GRIA3: variants seen among roughly 807,000 people sequenced by gnomAD.
The protein encoded by GRIA3 is glutamate receptor 3.
Under a neutral mutation model 63.0 loss-of-function variants are expected in GRIA3, and 3 were observed. The observed-to-expected ratio is 0.05, with a 90% CI of 0.02 to 0.12. GRIA3 has a LOEUF of 0.12. Ranked by LOEUF, GRIA3 falls within the 10% of genes least tolerant of loss-of-function variation. The probability of loss-of-function intolerance (pLI) is 1.00; values close to 1 mark genes in which losing one functional copy is unlikely to be tolerated. For synonymous variants in GRIA3, 274 were observed against 257.9 expected (o/e 1.06, Z -0.60); for missense variants, 347 against 700.9 (o/e 0.50, Z 5.70).
rs1376630265 is a variant in GRIA3 at position 123,184,332 on chromosome X, G to C, written c.-204G>C. ...AGCGAGCGAATAAGAGAGAGAGTAA[G>C]AGGGAGAGAGAAGAAGAGGAAGAAG... is the stretch of plus-strand genomic sequence containing the variant. On this transcript the variant is annotated 5_prime_UTR_variant, in exon 1 of 16. Transcript: ENST00000620443. 5 of 454,180 alleles carry C rather than the reference G, an allele frequency of 1.1e-5. No homozygotes were observed. The highest frequency in any genetic ancestry group is 1.5e-5 in the Non-Finnish European group (4 of 258,206). The allele number at this position is 454,180 out of a possible 1,213,427, so 37.4% of individuals were successfully genotyped here.
At chrX:123,238,954 T>C (rs1482945681) in intron 2 of GRIA3, among the ~76,000 whole-genome samples, 2 of 110,163 alleles carry the variant, frequency 1.8e-5, no homozygotes, top group African/African-American at 3.3e-5. Flanking sequence ...AACTTGAGAG[T>C]AGAACTCTGT....
chrX:123,369,325 G>A (rs761835896), intron 5 of GRIA3, among the ~76,000 whole-genome samples: 8 of 112,171 alleles, frequency 7.1e-5, no homozygotes, highest in Non-Finnish European at 1.3e-4. Context: ...CTGTCCCATA[G>A]GCAAAACATC....
intron 12 of GRIA3, among the ~76,000 whole-genome samples, chrX:123,433,302 C>T (rs2045628745): frequency 9.0e-6 from 1 of 111,429 alleles, no homozygotes; most frequent in Non-Finnish European, 1.9e-5. Flanking sequence ...TTAATGAAAG[C>T]AATAAGTTCA....
intron 5 of GRIA3, among the ~76,000 whole-genome samples, chrX:123,359,276 T>C (rs889007678): frequency 2.7e-5 from 3 of 112,267 alleles, no homozygotes; most frequent in Non-Finnish European, 5.6e-5. Context: ...AGTAGATATA[T>C]AGATAAAAGA....
intron 12 of GRIA3, among the ~76,000 whole-genome samples, chrX:123,453,034 T>C (rs1322284187): frequency 8.9e-6 from 1 of 112,258 alleles, no homozygotes; most frequent in Non-Finnish European, 1.9e-5. Flanking sequence ...AGCCATCCCA[T>C]TACTGGGTAT....
intron 2 of GRIA3, among the ~76,000 whole-genome samples, chrX:123,198,471 G>A (rs777143421): frequency 3.6e-5 from 4 of 112,189 alleles, no homozygotes; most frequent in Non-Finnish European, 7.5e-5. Context: ...GGTTGGTAAG[G>A]AATAGAATTA....
rs764741642 is a variant in GRIA3, at chrX:123,289,421, A to T, written c.508+35879A>T. On this transcript the variant is annotated intron_variant, in intron 3 of 15. Transcript: ENST00000620443. ...TATCCCAGAACTTAAAGTATAATTT[A>T]AAAAAAATATATATATATATATAAA... Among the ~76,000 whole-genome samples, 16 of 88,206 alleles carry T rather than the reference A, an allele frequency of 1.8e-4. No individual in the cohort carries two copies. In the South Asian group the frequency reaches 3.3e-3, roughly 18 times the overall value. The allele number at this position is 88,206 out of a possible 115,157, so 76.6% of individuals were successfully genotyped here.
chrX:123,453,618 A>AACACACACACAC (rs780732296), intron 12 of GRIA3, among the ~76,000 whole-genome samples: 3 of 103,390 alleles, frequency 2.9e-5, no homozygotes, highest in African/African-American at 1.1e-4. Context: ...TCAGGTTTTC[A>AACACACACACAC]ACACACACAC....
At chrX:123,451,299 A>T (rs2045728847) in intron 12 of GRIA3, among the ~76,000 whole-genome samples, 1 of 108,604 alleles carries the variant, frequency 9.2e-6, no homozygotes, top group Non-Finnish European at 1.9e-5. Flanking sequence ...CCAGAAGTTC[A>T]AGACCAGCCT....
intron 6 of GRIA3, 145 bp downstream of exon 6, chrX:123,395,274 C>A (rs1052815385): frequency 1.5e-5 from 8 of 524,720 alleles, no homozygotes; most frequent in Non-Finnish European, 2.3e-5. Context: ...GCAGGTGATG[C>A]TATTGCATTT....
intron 10 of GRIA3, among the ~76,000 whole-genome samples, chrX:123,409,755 G>A: frequency 9.0e-6 from 1 of 111,233 alleles, no homozygotes; most frequent in Non-Finnish European, 1.9e-5. Context: ...ATGCATATGG[G>A]GACCAGCCAA....
intron 3 of GRIA3, among the ~76,000 whole-genome samples, chrX:123,260,929 G>A (rs917293431): frequency 4.5e-5 from 5 of 111,277 alleles, no homozygotes; most frequent in African/African-American, 1.6e-4. Flanking sequence ...ACTGGATTGT[G>A]AATAAAAGAC....
chrX:123,302,006 G>A (rs939144050), intron 3 of GRIA3, among the ~76,000 whole-genome samples: 10 of 111,967 alleles, frequency 8.9e-5, no homozygotes, highest in East Asian at 2.8e-4. Flanking sequence ...GGATAACTTC[G>A]TGACCAGACA....
At chrX:123,369,572 A>G (rs1321116043) in intron 5 of GRIA3, among the ~76,000 whole-genome samples, 1 of 112,320 alleles carries the variant, frequency 8.9e-6, no homozygotes, top group Non-Finnish European at 1.9e-5. Flanking sequence ...CATGACTCCA[A>G]TAATGTCTAG....
chrX:123,396,042 T>C (rs1318186304), intron 6 of GRIA3, among the ~76,000 whole-genome samples: 11 of 108,740 alleles, frequency 1.0e-4, no homozygotes, highest in African/African-American at 3.7e-4. Context: ...CTGGCAAGAA[T>C]AGAATAGGGG....
intron 3 of GRIA3, among the ~76,000 whole-genome samples, chrX:123,287,225 T>TA (rs747653930): frequency 9.0e-6 from 1 of 111,665 alleles, no homozygotes; most frequent in African/African-American, 3.3e-5. Context: ...CCCTCCATGC[T>TA]AAAAACTCTC....
intron 14 of GRIA3, among the ~76,000 whole-genome samples, chrX:123,482,492 A>G (rs888947298): frequency 9.0e-6 from 1 of 111,113 alleles, no homozygotes; most frequent in African/African-American, 3.3e-5. Context: ...GCTTGTGTTT[A>G]CTCTTTTGTT....
intron 3 of GRIA3, among the ~76,000 whole-genome samples, chrX:123,300,261 C>A (rs1281589707): frequency 9.1e-6 from 1 of 109,484 alleles, no homozygotes; most frequent in African/African-American, 3.3e-5. Flanking sequence ...AGGGAGGAGA[C>A]CCTCCTCCTC....
intron 12 of GRIA3, among the ~76,000 whole-genome samples, chrX:123,456,265 G>A (rs1484123890): frequency 9.0e-6 from 1 of 111,205 alleles, no homozygotes; most frequent in African/African-American, 3.3e-5. Flanking sequence ...GGCTGCTGTG[G>A]GGTTTAAATG....
Sources: gnomAD v4.1 joint callset for allele counts (sites outside exome capture counted in the v4.1 genomes callset) on GRCh38, gnomAD v4.1.1 for gene constraint, MANE v1.5 for transcripts, NCBI Gene and HGNC (gene_info 2026-07-23, HGNC 2026-07-21) for gene names.